Variants in FHL5 observed in about 807,000 individuals in gnomAD.
FHL5 encodes the protein four and a half LIM domains 5, also known as four and a half LIM domains protein 5.
FHL5 carries 33 observed loss-of-function variants against 32.0 expected under a neutral mutation model. That is an observed-to-expected ratio of 1.03 (90% CI 0.78 to 1.38). The LOEUF (loss-of-function observed/expected upper bound fraction) is 1.38. Among genes scored for constraint, FHL5 ranks in the 40% most tolerant of loss-of-function variants. FHL5 has a pLI of 0.00. For missense variants in FHL5, 336 were observed against 343.9 expected, an observed-to-expected ratio of 0.98 and a Z score of 0.18; for synonymous variants, 114 against 113.6, an observed-to-expected ratio of 1.00 and a Z score of -0.02.
intron 1 of FHL5, among the ~76,000 whole-genome samples, chr6:96,576,016 G>A (rs537654888): frequency 1.3e-5 from 2 of 152,284 alleles, no homozygotes; most frequent in African/African-American, 4.8e-5. Context: ...TGGTGCTTGT[G>A]AGCTTGCAGA....
intron 1 of FHL5, among the ~76,000 whole-genome samples, chr6:96,569,527 T>A: frequency 6.6e-6 from 1 of 152,050 alleles, no homozygotes; most frequent in Admixed American, 6.5e-5. Flanking sequence ...TGAGGGGTGT[T>A]GAAGTCCCCA....
At chr6:96,592,481 A>T (rs905565732) in intron 1 of FHL5, among the ~76,000 whole-genome samples, 1 of 152,124 alleles carries the variant, frequency 6.6e-6, no homozygotes, top group Non-Finnish European at 1.5e-5. Context: ...TCAAACACAC[A>T]TGCTCTACAA....
At chr6:96,595,035 T>C (rs1385694127) in intron 1 of FHL5, among the ~76,000 whole-genome samples, 1 of 151,984 alleles carries the variant, frequency 6.6e-6, no homozygotes, top group Non-Finnish European at 1.5e-5. Flanking sequence ...TAACTGCATG[T>C]TAGTCGAGGT....
At chr6:96,578,115 C>A (rs1015314290) in intron 1 of FHL5, among the ~76,000 whole-genome samples, 3 of 152,126 alleles carry the variant, frequency 2.0e-5, no homozygotes, top group African/African-American at 7.2e-5. Context: ...AAAATGACTG[C>A]AGCATTAAGA....
chr6:96,601,862 G>A (rs796177647), intron 1 of FHL5, among the ~76,000 whole-genome samples: 36 of 152,224 alleles, frequency 2.4e-4, no homozygotes, highest in African/African-American at 8.7e-4. Context: ...CCAAGCCTTC[G>A]GTAACCCTCT....
intron 1 of FHL5, among the ~76,000 whole-genome samples, chr6:96,598,062 G>A (rs1771072277): frequency 6.6e-6 from 1 of 152,192 alleles, no homozygotes; most frequent in Non-Finnish European, 1.5e-5. Context: ...ATTATGGTTA[G>A]TCTTTCTAAA....
intron 1 of FHL5, among the ~76,000 whole-genome samples, chr6:96,572,685 T>C (rs939862034): frequency 2.0e-5 from 3 of 152,148 alleles, no homozygotes; most frequent in Non-Finnish European, 2.9e-5. Flanking sequence ...AGCTTCACCA[T>C]GTGGGCTTGG....
At chr6:96,563,872 G>C (rs1487544616) in intron 1 of FHL5, among the ~76,000 whole-genome samples, 1 of 152,046 alleles carries the variant, frequency 6.6e-6, no homozygotes, top group Non-Finnish European at 1.5e-5. Flanking sequence ...TTCCAGAAGT[G>C]GGCATACAAA....
At chr6:96,610,119 T>C (rs1354504766) in intron 4 of FHL5, among the ~76,000 whole-genome samples, 1 of 152,174 alleles carries the variant, frequency 6.6e-6, no homozygotes, top group Non-Finnish European at 1.5e-5. Context: ...CAGGTAGTTA[T>C]AAGAACATAG....
intron 1 of FHL5, among the ~76,000 whole-genome samples, chr6:96,586,248 T>TA (rs1478779292): frequency 6.6e-6 from 1 of 152,258 alleles, no homozygotes; most frequent in Non-Finnish European, 1.5e-5. Flanking sequence ...TACATACTAT[T>TA]ACTTATTCAT....
rs566094691 is a variant in FHL5 at position 96,568,375 on chromosome 6, AGGATTTTT to A, written c.-13+5022_-13+5029del. 9.2e-4 allele frequency among the ~76,000 whole-genome samples: 139 copies of A among 151,912 alleles called. 1 individual carries two copies. Among genetic ancestry groups the A allele is most frequent in the Non-Finnish European group, 1.7e-3 (112 of 67,774 alleles). ...AGATTGGTTCACAAGTATTTTGTTG[AGGATTTTT>A]GCATCTATGCTCATCATGTTCATTG... is the stretch of plus-strand genomic sequence containing the variant. On this transcript the variant is annotated intron_variant, in intron 1 of 5. Coordinates refer to ENST00000450218, the MANE Select transcript of FHL5 (RefSeq NM_001322466.2).
intron 1 of FHL5, among the ~76,000 whole-genome samples, chr6:96,565,424 G>T (rs1048299687): frequency 2.0e-5 from 3 of 152,078 alleles, no homozygotes; most frequent in Admixed American, 6.6e-5. Context: ...CTGTGTTATA[G>T]AATTTTATAT....
intron 1 of FHL5, among the ~76,000 whole-genome samples, chr6:96,578,432 G>GTCAC (rs1562053618): frequency 6.6e-6 from 1 of 152,144 alleles, no homozygotes; most frequent in Non-Finnish European, 1.5e-5. Flanking sequence ...CTTTAAATGA[G>GTCAC]TCACTAAACT....
chr6:96,608,554 G>T (rs985355998), intron 4 of FHL5, among the ~76,000 whole-genome samples: 11 of 152,028 alleles, frequency 7.2e-5, no homozygotes, highest in African/African-American at 2.7e-4. Flanking sequence ...AAAATCCATA[G>T]ATTTTATTTT....
chr6:96,583,457 C>T (rs1050653821), intron 1 of FHL5, among the ~76,000 whole-genome samples: 1 of 152,076 alleles, frequency 6.6e-6, no homozygotes, highest in African/African-American at 2.4e-5. Context: ...CAGTTAACAT[C>T]ATAGATATCA....
intron 5 of FHL5, among the ~76,000 whole-genome samples, chr6:96,613,122 CA>C (rs1342718608): frequency 6.6e-6 from 1 of 152,070 alleles, no homozygotes. Flanking sequence ...ACCACACACA[CA>C]AAAAAGCATA....
At chr6:96,590,231 G>A (rs1770886041) in intron 1 of FHL5, among the ~76,000 whole-genome samples, 1 of 151,938 alleles carries the variant, frequency 6.6e-6, no homozygotes, top group Admixed American at 6.6e-5. Context: ...GCAAATGAAG[G>A]GGAAATAATA....
chr6:96,591,604 G>C (rs1770918844), intron 1 of FHL5, among the ~76,000 whole-genome samples: 1 of 152,042 alleles, frequency 6.6e-6, no homozygotes, highest in Non-Finnish European at 1.5e-5. Context: ...ATTTTTTTCA[G>C]CAATTTGAAT....
In FHL5 at chr6:96,615,528, G is replaced by T. The variant is rs1274840252; in HGVS notation, c.692-81G>T. 5.9e-6 allele frequency: 7 copies of T among 1,188,042 alleles called. No individual in the cohort carries two copies. In the African/African-American group the frequency reaches 1.1e-4, roughly 19 times the overall value. 73.6% of individuals were successfully genotyped at this position (1,188,042 alleles called of 1,614,324 possible). A position where few individuals can be genotyped will look rare whatever the true frequency, so the allele number is the denominator to read the frequency against. Reference sequence around the variant, plus strand: ...TGTTTTGCTCATAGCTCTATCTCCAGTTCCTAGAGGAGCATCTGCTAGAAT... The same window carrying T: ...TGTTTTGCTCATAGCTCTATCTCCATTTCCTAGAGGAGCATCTGCTAGAAT... On this transcript the variant is annotated intron_variant, in intron 5 of 5. Coordinates refer to ENST00000450218, the MANE Select transcript of FHL5 (RefSeq NM_001322466.2).
Sources: allele counts gnomAD v4.1 joint callset (sites outside exome capture counted in the v4.1 genomes callset), GRCh38; gene constraint gnomAD v4.1.1; transcripts MANE v1.5; gene names NCBI Gene and HGNC (gene_info 2026-07-23, HGNC 2026-07-21).